Variants in MAML2 observed in about 807,000 individuals in gnomAD.
MAML2 encodes mastermind like transcriptional coactivator 2.
MAML2 carries 22 observed loss-of-function variants against 96.1 expected under a neutral mutation model. The observed-to-expected ratio is 0.23, with a 90% CI of 0.16 to 0.33. MAML2 has a LOEUF of 0.33. MAML2 is among the 10% of genes least tolerant of loss of function. The pLI is 1.00. For synonymous variants in MAML2, 561 were observed against 521.3 expected (o/e 1.08, Z -1.04); for missense variants, 1,367 against 1,392.4 (o/e 0.98, Z 0.29).
At chr11:96,073,356 T>G (rs1859379080) in intron 2 of MAML2, among the ~76,000 whole-genome samples, 2 of 150,076 alleles carry the variant, frequency 1.3e-5, no homozygotes, top group Non-Finnish European at 3.0e-5. Context: ...AGTCTCGCTG[T>G]GTTGCCCAGG....
At position 96,092,101 on chromosome 11, in the gene MAML2, G is replaced by C; in HGVS notation, c.1930C>G (p.Gln644Glu). The C allele has an allele frequency of 6.5e-7, 1 of 1,550,230 alleles. No individual in the cohort carries two copies. Among genetic ancestry groups the C allele is most frequent in the South Asian group, 1.2e-5 (1 of 84,020 alleles). The change falls in exon 2 of 5, where the codon CAG becomes GAG. Residue 644 changes from glutamine to glutamate, a missense_variant. Coordinates refer to ENST00000524717, the MANE Select transcript of MAML2 (RefSeq NM_032427.4). This position sits in a 1 kb window ranked among gnomAD's most constrained non-coding sequence, Gnocchi z 4.1. The stretch of plus-strand genomic sequence containing the variant: ...TGCTGCTGCTGCTGCTGTTGTTGCT[G>C]CTGCTGCTGCTGTTGGGCTGAAATT... ...SSISAQQQQQ[Q>E]QQQQQQQQQQ...
intron 1 of MAML2, among the ~76,000 whole-genome samples, chr11:96,292,918 G>A (rs1176685078): frequency 6.6e-6 from 1 of 151,736 alleles, no homozygotes; most frequent in Non-Finnish European, 1.5e-5. Flanking sequence ...GGCATATGTA[G>A]GTCAATTCAA....
chr11:96,068,220 T>C (rs192752228), intron 2 of MAML2, among the ~76,000 whole-genome samples: 5 of 152,316 alleles, frequency 3.3e-5, no homozygotes, highest in African/African-American at 9.6e-5. Context: ...CTAGAATCCT[T>C]AGTCAGCCAA....
At chr11:96,191,578 T>C (rs1861654147) in intron 1 of MAML2, among the ~76,000 whole-genome samples, 5 of 151,196 alleles carry the variant, frequency 3.3e-5, no homozygotes. Flanking sequence ...ATGGAGACCA[T>C]CCTTGCTAAC....
rs1863327072 is a variant in MAML2, at chr11:96,298,026, TACC to T, written c.513+43354_513+43356del. On this transcript the variant is annotated intron_variant, in intron 1 of 4. Coordinates refer to ENST00000524717, the MANE Select transcript of MAML2 (RefSeq NM_032427.4). ...TGCACCTACCCCCCTTGCTAACCCT[TACC>T]TTGTACCTATCATTTATATCCTATC... is the stretch of plus-strand genomic sequence containing the variant. 2.0e-5 allele frequency among the ~76,000 whole-genome samples: 3 copies of T among 152,292 alleles called. No homozygotes were observed. In the South Asian group the frequency reaches 6.2e-4, roughly 32 times the overall value.
chr11:96,065,973 C>T (rs1182945463), intron 2 of MAML2, among the ~76,000 whole-genome samples: 1 of 152,184 alleles, frequency 6.6e-6, no homozygotes, highest in Non-Finnish European at 1.5e-5. Flanking sequence ...CACACATTCT[C>T]CTGCATCGAA....
chr11:95,986,199 TTTTG>T lies in MAML2; in HGVS notation c.2344-561_2344-558del, dbSNP rs368526623. 6.6e-4 allele frequency among the ~76,000 whole-genome samples: 100 copies of T among 152,110 alleles called. No homozygotes were observed. In the East Asian group the frequency reaches 0.016, roughly 25 times the overall value. On this transcript the variant is annotated intron_variant, in intron 3 of 4. Coordinates refer to ENST00000524717, the MANE Select transcript of MAML2 (RefSeq NM_032427.4). ...GTAGGTATTCTGTATTCTTATTTGT[TTTTG>T]TTTGTTTGTTTGTTTGTTTGAGATG...
chr11:96,039,640 T>C (rs535057777), intron 2 of MAML2, among the ~76,000 whole-genome samples: 6 of 152,198 alleles, frequency 3.9e-5, no homozygotes, highest in Admixed American at 2.0e-4. Flanking sequence ...AAGTAACCTT[T>C]AGACAGGCAG....
At chr11:96,063,441 T>G (rs1859198604) in intron 2 of MAML2, among the ~76,000 whole-genome samples, 1 of 152,190 alleles carries the variant, frequency 6.6e-6, no homozygotes, top group Non-Finnish European at 1.5e-5. Context: ...TTCTACTATA[T>G]AAGAACTCAA....
intron 1 of MAML2, among the ~76,000 whole-genome samples, chr11:96,168,361 A>G (rs1027314712): frequency 2.6e-5 from 4 of 152,172 alleles, no homozygotes; most frequent in African/African-American, 9.7e-5. Context: ...TAAATGTAAG[A>G]TCTATCTATC....
chr11:96,342,027 GGTTGTGGGGGAGCCGTGGAGAA>G lies in MAML2; in HGVS notation c.-154_-133del, dbSNP rs1491514437. ...GGCCACATGAATAGAGGTCTTCAGAGGTTGTGGGGGAGCCGTGGAGAAGTTGTGGGGGAGGGGAGTTAGTAAA... is the reference window on the plus strand; with the variant it reads ...GGCCACATGAATAGAGGTCTTCAGAGGTTGTGGGGGAGGGGAGTTAGTAAA... On this transcript the variant is annotated 5_prime_UTR_variant, in exon 1 of 5. Coordinates refer to ENST00000524717, the MANE Select transcript of MAML2 (RefSeq NM_032427.4). The G allele has an allele frequency of 3.5e-6, 3 of 860,404 alleles. No homozygotes were observed. The highest frequency in any genetic ancestry group is 6.0e-5 in the Admixed American group (2 of 33,284). The allele number at this position is 860,404 out of a possible 1,614,324, so 53.3% of individuals were successfully genotyped here. A position where few individuals can be genotyped will look rare whatever the true frequency, so the allele number is the denominator to read the frequency against.
intron 1 of MAML2, among the ~76,000 whole-genome samples, chr11:96,183,006 G>A (rs1392926227): frequency 6.9e-6 from 1 of 144,788 alleles, no homozygotes; most frequent in Non-Finnish European, 1.5e-5. Flanking sequence ...TCACCAGGCT[G>A]GAGTGCAGTG....
intron 2 of MAML2, among the ~76,000 whole-genome samples, chr11:96,089,259 C>A (rs1206885766): frequency 6.6e-6 from 1 of 152,026 alleles, no homozygotes; most frequent in Non-Finnish European, 1.5e-5. Context: ...AGAATACATG[C>A]CAACACACTG....
Position 96,204,882 on chromosome 11 carries a change from C to T in MAML2, c.514-111365G>A, listed in dbSNP as rs554055966. Among the ~76,000 whole-genome samples, 11 of 152,304 alleles carry T rather than the reference C, an allele frequency of 7.2e-5. No individual in the cohort carries two copies. The East Asian group carries it at 1.5e-3, about 21-fold the overall frequency. On this transcript the variant is annotated intron_variant, in intron 1 of 4. Transcript: ENST00000524717. ...AGTTGCCTTTCTCCTCTCATCATTG[C>T]TCTACTACATTTCATTTCTCTTTAT...
chr11:96,042,800 A>G (rs1469602660), intron 2 of MAML2, among the ~76,000 whole-genome samples: 1 of 137,464 alleles, frequency 7.3e-6, no homozygotes, highest in African/African-American at 2.8e-5. Context: ...GCTGGAGTGC[A>G]GTGGTGCCAC....
At chr11:96,052,936 C>T (rs1012213757) in intron 2 of MAML2, among the ~76,000 whole-genome samples, 2 of 152,236 alleles carry the variant, frequency 1.3e-5, no homozygotes, top group Non-Finnish European at 2.9e-5. Flanking sequence ...AGGTGATGAG[C>T]CTTGCCTGGC....
In MAML2 at chr11:96,093,178, G is replaced by C; in HGVS notation, c.853C>G (p.Gln285Glu). 1 of 1,613,924 alleles carries C rather than the reference G, an allele frequency of 6.2e-7. No individual in the cohort carries two copies. Residue 285 changes from glutamine (Q) to glutamate (E), a missense_variant, in exon 2 of 5, where the codon CAA becomes GAA. Physicochemically the swap from Gln to Glu is conservative, Grantham distance 29. Transcript: ENST00000524717. ...CSKHMDGQMTQENIFPNRYGD... is the reference protein window; with the variant it reads ...CSKHMDGQMTEENIFPNRYGD... ...TACCTATTAGGAAAAATATTCTCTTGGGTCATTTGGCCATCCATGTGCTTA... is the reference window on the plus strand; with the variant it reads ...TACCTATTAGGAAAAATATTCTCTTCGGTCATTTGGCCATCCATGTGCTTA...
chr11:96,268,952 A>C (rs1268337531), intron 1 of MAML2, among the ~76,000 whole-genome samples: 1 of 144,982 alleles, frequency 6.9e-6, no homozygotes, highest in Non-Finnish European at 1.5e-5. Context: ...CAGTATATAC[A>C]TCAAGCAAAC....
chr11:96,135,862 CA>C (rs10533557), intron 1 of MAML2, among the ~76,000 whole-genome samples: 24,197 of 140,712 alleles, frequency 0.17, 2,207 homozygotes, highest in African/African-American at 0.26. Flanking sequence ...GACACCATCT[CA>C]AAAAAAAAAA....
Sources: allele counts gnomAD v4.1 joint callset (sites outside exome capture counted in the v4.1 genomes callset), GRCh38; gene constraint gnomAD v4.1.1; non-coding constraint Gnocchi (gnomAD v3.1); transcripts MANE v1.5; gene names NCBI Gene and HGNC (gene_info 2026-07-23, HGNC 2026-07-21).